Variants in FGF14 observed in about 807,000 individuals in gnomAD.
FGF14 encodes the protein fibroblast growth factor homologous factor 4.
FGF14 carries 5 observed loss-of-function variants against 25.5 expected under a neutral mutation model. The observed-to-expected ratio is 0.20, with a 90% CI of 0.10 to 0.41. The LOEUF (loss-of-function observed/expected upper bound fraction) is 0.41, where lower values mean the gene tolerates loss of function less well. Ranked by LOEUF, FGF14 falls within the 10% of genes least tolerant of loss-of-function variation. The pLI is 1.00. For missense variants in FGF14, 222 were observed against 320.1 expected, an observed-to-expected ratio of 0.69 and a Z score of 2.34; for synonymous variants, 138 against 118.3, an observed-to-expected ratio of 1.17 and a Z score of -1.08.
rs145734380 is a variant in FGF14 at position 102,082,032 on chromosome 13, T to C, written c.209-206736A>G. On this transcript the variant is annotated intron_variant, in intron 1 of 4. Coordinates refer to the FGF14 transcript ENST00000376131. ...ACAAACAGGGAAGCCAAAAATTCCA[T>C]ATCAGGATGTTATGAATTTACCCAT... 4.0e-3 allele frequency among the ~76,000 whole-genome samples: 603 copies of C among 152,296 alleles called. 4 individuals are homozygous for C. The highest frequency in any genetic ancestry group is 6.5e-3 in the Non-Finnish European group (439 of 68,028).
chr13:102,205,566 G>A (rs546047080), intron 1 of FGF14, among the ~76,000 whole-genome samples: 7 of 151,952 alleles, frequency 4.6e-5, no homozygotes, highest in Non-Finnish European at 8.8e-5. Context: ...AGGGTCAGAG[G>A]GGGAGGAATT....
chr13:102,150,958 G>A (rs780206088), intron 1 of FGF14, among the ~76,000 whole-genome samples: 20 of 152,208 alleles, frequency 1.3e-4, no homozygotes, highest in Non-Finnish European at 2.9e-4. Context: ...GCAAAGAAAA[G>A]TATGTGTTGG....
At chr13:102,098,159 C>A (rs191046299) in intron 1 of FGF14, among the ~76,000 whole-genome samples, 2 of 152,352 alleles carry the variant, frequency 1.3e-5, no homozygotes, top group East Asian at 3.9e-4. Flanking sequence ...CCCCCACCAG[C>A]CAGTTCTGCA....
intron 1 of FGF14, among the ~76,000 whole-genome samples, chr13:102,053,625 A>G (rs112658206): frequency 6.6e-6 from 1 of 152,168 alleles, no homozygotes; most frequent in African/African-American, 2.4e-5. Context: ...CAAGAAAATA[A>G]GAAAGCTTTC....
chr13:101,990,212 C>T (rs988993599), intron 1 of FGF14, among the ~76,000 whole-genome samples: 1 of 152,102 alleles, frequency 6.6e-6, no homozygotes, highest in African/African-American at 2.4e-5. Context: ...CTACACCAAA[C>T]ATGGCAGACA....
At chr13:101,909,974 C>T (rs2032723066) in intron 1 of FGF14, among the ~76,000 whole-genome samples, 2 of 152,094 alleles carry the variant, frequency 1.3e-5, no homozygotes, top group Middle Eastern at 3.4e-3. Context: ...CCATCATTCT[C>T]AGCAAACTAT....
At chr13:102,333,680 GAAAGGACGT>G (rs1193314956) in intron 1 of FGF14, among the ~76,000 whole-genome samples, 1 of 152,184 alleles carries the variant, frequency 6.6e-6, no homozygotes, top group Non-Finnish European at 1.5e-5. Flanking sequence ...AACTCATTCA[GAAAGGACGT>G]AAAGTGTCTA....
At chr13:102,385,890 T>C (rs887597209) in intron 1 of FGF14, among the ~76,000 whole-genome samples, 1 of 152,186 alleles carries the variant, frequency 6.6e-6, no homozygotes, top group East Asian at 1.9e-4. Context: ...TGAAGTACTG[T>C]GTTAAAGCAG....
At chr13:101,758,979 T>A (rs781300411) in intron 3 of FGF14, among the ~76,000 whole-genome samples, 5 of 152,202 alleles carry the variant, frequency 3.3e-5, no homozygotes, top group Non-Finnish European at 7.3e-5. Context: ...CAAAAGCACC[T>A]TTTCCATGAG....
At chr13:101,870,517 G>C (rs2044998440) in intron 2 of FGF14, among the ~76,000 whole-genome samples, 1 of 151,966 alleles carries the variant, frequency 6.6e-6, no homozygotes, top group African/African-American at 2.4e-5. Context: ...ATATAGGCCA[G>C]GTAGTATAAT....
intron 1 of FGF14, among the ~76,000 whole-genome samples, chr13:102,121,608 A>G (rs939149978): frequency 6.6e-6 from 1 of 152,226 alleles, no homozygotes; most frequent in African/African-American, 2.4e-5. Flanking sequence ...ACTTGATCCA[A>G]GTGGAAATGT....
At chr13:102,001,557 C>G (rs1364572207) in intron 1 of FGF14, among the ~76,000 whole-genome samples, 1 of 152,182 alleles carries the variant, frequency 6.6e-6, no homozygotes, top group Non-Finnish European at 1.5e-5. Flanking sequence ...ATTCTAAGAA[C>G]ATGGGTGTAT....
intron 1 of FGF14, among the ~76,000 whole-genome samples, chr13:101,975,980 C>G (rs925888373): frequency 6.6e-6 from 1 of 152,206 alleles, no homozygotes; most frequent in South Asian, 2.1e-4. Context: ...GCATTTGGAA[C>G]CTTAAGCATT....
At chr13:101,789,659 A>G (rs1033517575) in intron 3 of FGF14, among the ~76,000 whole-genome samples, 1 of 152,168 alleles carries the variant, frequency 6.6e-6, no homozygotes, top group African/African-American at 2.4e-5. Context: ...AGGTTCCAGT[A>G]AAATTCAAAG....
chr13:101,862,664 T>G (rs2044482146), intron 3 of FGF14, among the ~76,000 whole-genome samples: 1 of 152,142 alleles, frequency 6.6e-6, no homozygotes, highest in African/African-American at 2.4e-5. Flanking sequence ...TGCATCAATA[T>G]TCAATGTCAT....
At chr13:101,731,854 T>C (rs1328902950) in intron 3 of FGF14, among the ~76,000 whole-genome samples, 1 of 152,220 alleles carries the variant, frequency 6.6e-6, no homozygotes, top group African/African-American at 2.4e-5. Context: ...TGTTTATATA[T>C]TGTCTGTGTC....
intron 1 of FGF14, among the ~76,000 whole-genome samples, chr13:101,941,928 CA>C (rs1375134076): frequency 6.6e-6 from 1 of 152,052 alleles, no homozygotes; most frequent in African/African-American, 2.4e-5. Flanking sequence ...GCATTAAGTA[CA>C]AACCTTAGTT....
chr13:101,875,421 T>C, intron 1 of FGF14, 125 bp from the exon 2 acceptor site: 1 of 714,574 alleles, frequency 1.4e-6, no homozygotes, highest in Non-Finnish European at 2.5e-6. Flanking sequence ...TTATTTTGTC[T>C]CTCAGATTCT....
At chr13:102,173,320 A>G (rs1301216921) in intron 1 of FGF14, among the ~76,000 whole-genome samples, 1 of 152,152 alleles carries the variant, frequency 6.6e-6, no homozygotes. Flanking sequence ...GTCATAAAAA[A>G]AAGATAAAAA....
Sources: gnomAD v4.1 joint callset for allele counts (sites outside exome capture counted in the v4.1 genomes callset) on GRCh38, gnomAD v4.1.1 for gene constraint, MANE v1.5 for transcripts, NCBI Gene and HGNC (gene_info 2026-07-23, HGNC 2026-07-21) for gene names.